The following ITFG2 variants were observed in gnomAD, a reference collection of about 807,000 sequenced individuals.
The protein encoded by ITFG2 is KICSTOR complex protein ITFG2.
ITFG2 carries 36 observed loss-of-function variants against 54.4 expected under a neutral mutation model. The observed-to-expected ratio is 0.66, with a 90% confidence interval of 0.51 to 0.87. The LOEUF is 0.87. ITFG2 is among the 40% of genes least tolerant of loss of function. The pLI is 0.00. For synonymous variants in ITFG2, 211 were observed against 225.4 expected (o/e 0.94, Z 0.57); for missense variants, 524 against 576.7 (o/e 0.91, Z 0.94).
At chr12:2,832,723 A>G (rs185106142), upstream of ITFG2, among the ~76,000 whole-genome samples, 3 of 148,576 alleles carry the variant, frequency 2.0e-5, no homozygotes, top group East Asian at 6.0e-4. Flanking sequence ...ACTCATTTTT[A>G]TATCCCAGGG....
chr12:2,827,762 C>T, downstream of ITFG2: 1 of 1,609,304 alleles, frequency 6.2e-7, no homozygotes, highest in Non-Finnish European at 8.5e-7. The surrounding 1 kb of genome is among the most constrained non-coding windows in gnomAD (Gnocchi z 4.0). Flanking sequence ...TCCTTCTCTG[C>T]CCACCCCATC....
At chr12:2,841,282 T>C (rs906551673) in intron 2 of ITFG2, among the ~76,000 whole-genome samples, 1 of 152,212 alleles carries the variant, frequency 6.6e-6, no homozygotes, top group African/African-American at 2.4e-5. Context: ...TGCCAGACCC[T>C]GGGTTCCCTC....
chr12:2,854,573 T>C (rs898885970), intron 2 of ITFG2, among the ~76,000 whole-genome samples: 2 of 152,350 alleles, frequency 1.3e-5, no homozygotes, highest in South Asian at 4.1e-4. Context: ...CTGGGCCCTT[T>C]GCATGTGTAG....
chr12:2,834,728 T>G, upstream of ITFG2: 3 of 1,614,024 alleles, frequency 1.9e-6, no homozygotes, highest in East Asian at 2.2e-5. Context: ...GTGGCCTGTT[T>G]GAGCCGGCGC....
chr12:2,831,950 G>A (rs993910274), upstream of ITFG2, among the ~76,000 whole-genome samples: 3 of 151,856 alleles, frequency 2.0e-5, no homozygotes, highest in Non-Finnish European at 2.9e-5. Context: ...CAGCTCTCTC[G>A]GATCCTTGGA....
intron 2 of ITFG2, among the ~76,000 whole-genome samples, chr12:2,848,873 A>G (rs370031407): frequency 1.9e-4 from 22 of 114,140 alleles, no homozygotes; most frequent in Admixed American, 3.1e-4. Context: ...ACAGACACAC[A>G]CACGCACACA....
intron 2 of ITFG2, chr12:2,830,821 T>G: frequency 6.2e-7 from 1 of 1,613,644 alleles, no homozygotes; most frequent in Non-Finnish European, 8.5e-7. Flanking sequence ...CAATTCGGGT[T>G]TCCCTCCACC....
chr12:2,822,941 A>C, intron 10 of ITFG2, 30 bp downstream of exon 10: 1 of 1,554,318 alleles, frequency 6.4e-7, no homozygotes, highest in Non-Finnish European at 8.9e-7. Context: ...CCCCTTTCTA[A>C]CCACACTTAA....
At chr12:2,857,136 G>C (rs1247518765) in intron 2 of ITFG2, 1 of 700,076 alleles carries the variant, frequency 1.4e-6, no homozygotes. Flanking sequence ...GTGATGCAGA[G>C]AAGAGGCCCT....
rs557785520 is a variant in ITFG2 at position 2,822,117 on chromosome 12, A to G, written c.948+325A>G. On this transcript the variant is annotated intron_variant, in intron 9 of 11. Coordinates refer to ENST00000228799, the MANE Select transcript of ITFG2 (RefSeq NM_018463.4). ...TAACTTTCCTAAACTTTTTGTAAAG[A>G]TGAGATCTCACTATATATGGTTTCA... Among the ~76,000 whole-genome samples, 4 of 152,104 alleles carry G rather than the reference A, an allele frequency of 2.6e-5. No homozygotes were observed. In the East Asian group the frequency reaches 7.8e-4, roughly 30 times the overall value.
At chr12:2,849,246 T>A (rs2098062218) in intron 2 of ITFG2, 3 of 1,535,766 alleles carry the variant, frequency 2.0e-6, no homozygotes, top group Non-Finnish European at 2.6e-6. Context: ...AGTGTCCAGG[T>A]CTTCTCTTCC....
chr12:2,849,590 A>T lies in ITFG2; in HGVS notation n.301-8422A>T, dbSNP rs1010260839. 14 of 1,515,688 alleles carry T rather than the reference A, an allele frequency of 9.2e-6. No individual in the cohort carries two copies. In the African/African-American group the frequency reaches 1.8e-4, roughly 19 times the overall value. The allele number at this position is 1,515,688 out of a possible 1,614,324, so 93.9% of individuals were successfully genotyped here. On this transcript the variant is annotated intron_variant and non_coding_transcript_variant, in intron 2 of 3. Coordinates refer to the ITFG2 transcript ENST00000537710. ...GAAGAGATCCAGGGACAGTGGAGAG[A>T]CGGGGAAGGGGAAGGGTGATGCCGC... is the stretch of plus-strand genomic sequence containing the variant.
At chr12:2,816,296 GC>G (rs2097921255) in intron 1 of ITFG2, among the ~76,000 whole-genome samples, 1 of 149,644 alleles carries the variant, frequency 6.7e-6, no homozygotes, top group South Asian at 2.1e-4. Flanking sequence ...CTCCCAAAGT[GC>G]TGGGATTATC....
intron 1 of ITFG2, among the ~76,000 whole-genome samples, chr12:2,816,056 G>A (rs1236001807): frequency 6.8e-6 from 1 of 145,992 alleles, no homozygotes; most frequent in African/African-American, 2.6e-5. Context: ...TTTTGAGACA[G>A]AGTCTCGCTC....
chr12:2,821,805 C>A lies in ITFG2; in HGVS notation c.948+13C>A. 1.3e-6 allele frequency: 2 copies of A among 1,597,294 alleles called. No homozygotes were observed. ...ACTGGATGTCACCGTGAGTGGAAAA[C>A]CTGGCAGAGCAGAGCATTCCTGCGT... On this transcript the variant is annotated intron_variant, in intron 9 of 11. Coordinates refer to ENST00000228799, the MANE Select transcript of ITFG2 (RefSeq NM_018463.4).
intron 1 of ITFG2, chr12:2,837,079 C>T (rs1191919883): frequency 6.6e-6 from 1 of 152,318 alleles, no homozygotes; most frequent in Non-Finnish European, 1.5e-5. Context: ...CGTCTGTAAT[C>T]CCAGCACTTT....
Position 2,821,285 on chromosome 12 carries a change from T to TG in ITFG2, c.721dup (p.Val241GlyfsTer29). 6.2e-7 allele frequency: 1 copy of TG among 1,609,320 alleles called. No individual in the cohort carries two copies. Among genetic ancestry groups the TG allele is most frequent in the Non-Finnish European group, 8.5e-7 (1 of 1,177,792 alleles). The stretch of plus-strand genomic sequence containing the variant: ...AGGGAGACCCCAGCTGCCCGAGACG[T>TG]GGTGCTGCACCAGACATCTGGCCGT... On this transcript the variant is annotated frameshift_variant, in exon 7 of 12. Transcript: ENST00000228799. LOFTEE classifies it high-confidence loss of function.
At chr12:2,853,281 TG>T (rs1037388263) in intron 2 of ITFG2, among the ~76,000 whole-genome samples, 1 of 151,906 alleles carries the variant, frequency 6.6e-6, no homozygotes, top group Non-Finnish European at 1.5e-5. Flanking sequence ...TTTGGTTTTT[TG>T]TTTTTTTTTT....
chr12:2,858,816 G>A lies in ITFG2; in HGVS notation n.620+485G>A, dbSNP rs200806960. 8.9e-5 allele frequency: 143 copies of A among 1,614,168 alleles called. No homozygotes were observed. The highest frequency in any genetic ancestry group is 3.3e-4 in the Middle Eastern group (2 of 6,062). On this transcript the variant is annotated intron_variant and non_coding_transcript_variant, in intron 3 of 3. Coordinates refer to the ITFG2 transcript ENST00000537710. ...TGCAAGGCCAGAAACCTGTGGCTCC[G>A]GGGAGCCTGGCTTGGGGACGTCTAT... is the stretch of plus-strand genomic sequence containing the variant.
Sources: gnomAD v4.1 joint callset for allele counts (sites outside exome capture counted in the v4.1 genomes callset) on GRCh38, gnomAD v4.1.1 for gene constraint, Gnocchi (gnomAD v3.1) non-coding constraint, MANE v1.5 for transcripts, NCBI Gene and HGNC (gene_info 2026-07-23, HGNC 2026-07-21) for gene names.